Variants in QTRT2 observed in about 807,000 individuals in gnomAD.
QTRT2 encodes the protein queuine tRNA-ribosyltransferase accessory subunit 2, also known as queuine tRNA-ribosyltransferase domain containing 1.
Under a neutral mutation model 44.8 loss-of-function variants are expected in QTRT2, and 32 were observed. The ratio of observed to expected loss-of-function variants is 0.71; its 90% confidence interval spans 0.54 to 0.96. The LOEUF (loss-of-function observed/expected upper bound fraction) is 0.96. Ranked by LOEUF, QTRT2 falls within the 40% of genes least tolerant of loss-of-function variation. QTRT2 has a pLI of 0.00. For missense variants in QTRT2, 461 were observed against 503.1 expected (o/e 0.92, Z 0.80); for synonymous variants, 182 against 187.4 (o/e 0.97, Z 0.24).
In QTRT2 at chr3:114,085,694, G is replaced by A. The variant is rs751443636; in HGVS notation, c.1038G>A (p.Pro346=). The part of the protein sequence containing the change: ...KEKKYQEDFN[P]LVRGCSCYCC... ...TTAGGTACCAGGAGGACTTTAACCC[G>A]CTGGTGAGAGGATGTTCCTGTTACT... Residue 346 remains proline (P), a synonymous_variant, in exon 10 of 10, where the codon CCG becomes CCA. Transcript: ENST00000281273. 31 of 1,613,946 alleles carry A rather than the reference G, an allele frequency of 1.9e-5. No homozygotes were observed. The highest frequency in any genetic ancestry group is 3.3e-5 in the Admixed American group (2 of 59,990).
chr3:114,083,614 GTTTT>G (rs2077196770), intron 9 of QTRT2, among the ~76,000 whole-genome samples: 1 of 152,080 alleles, frequency 6.6e-6, no homozygotes, highest in South Asian at 2.1e-4. Context: ...GCTGGGGTGG[GTTTT>G]TTGTCTTACG....
At chr3:114,077,609 T>G (rs750735469) in intron 7 of QTRT2, 3 of 152,448 alleles carry the variant, frequency 2.0e-5, no homozygotes, top group Admixed American at 2.0e-4. Flanking sequence ...ATGTGAATAT[T>G]CATGCTTTTT....
At chr3:114,062,509 A>G (rs1234784221) in intron 2 of QTRT2, among the ~76,000 whole-genome samples, 1 of 152,086 alleles carries the variant, frequency 6.6e-6, no homozygotes, top group Non-Finnish European at 1.5e-5. Flanking sequence ...TGTGGTGATG[A>G]GGAATTCCCA....
intron 8 of QTRT2, among the ~76,000 whole-genome samples, chr3:114,080,825 T>C (rs2077157450): frequency 6.6e-6 from 1 of 152,232 alleles, no homozygotes; most frequent in Non-Finnish European, 1.5e-5. Flanking sequence ...AGGTTCATTT[T>C]ATTCCTCACA....
intron 9 of QTRT2, among the ~76,000 whole-genome samples, chr3:114,084,616 T>C (rs1451998738): frequency 6.6e-6 from 1 of 152,188 alleles, no homozygotes; most frequent in Non-Finnish European, 1.5e-5. Flanking sequence ...ACCTATGCAG[T>C]GCTTAGGCCT....
rs550742276 is a variant in QTRT2, at chr3:114,067,968, C to A, written c.257-19C>A. The A allele has an allele frequency of 6.2e-6, 10 of 1,612,268 alleles. No individual in the cohort carries two copies. Among genetic ancestry groups the A allele is most frequent in the Non-Finnish European group, 6.8e-6 (8 of 1,178,700 alleles). ...GTTGATGTAAGCACTTTCAAGGGTTCTTTTTTGTGTTTATACAGGCATGCC... is the reference window on the plus strand; with the variant it reads ...GTTGATGTAAGCACTTTCAAGGGTTATTTTTTGTGTTTATACAGGCATGCC... On this transcript the variant is annotated intron_variant, in intron 4 of 9. Transcript: ENST00000281273.
At chr3:114,066,455 T>C in intron 4 of QTRT2, 172 bp downstream of exon 4, 5 of 564,768 alleles carry the variant, frequency 8.9e-6, no homozygotes, top group South Asian at 8.7e-5. Flanking sequence ...AGGAAACAGT[T>C]GCTGCTCTCA....
Position 114,082,787 on chromosome 3 carries a change from G to A in QTRT2, c.1009G>A (p.Glu337Lys). Residue 337 changes from glutamate to lysine, a missense_variant, in exon 9 of 10, where the codon GAA (glutamate) becomes AAA (lysine). Glu to Lys is a moderately conservative substitution (Grantham distance 56, BLOSUM62 1). Transcript: ENST00000281273. ...EITSFEINLK[E>K]KKYQEDFNPL... ...AACATCATTTGAAATTAATCTGAAG[G>A]AAAAAAAGTAAGAAATTTTTAAAAG... 7.2e-7 allele frequency: 1 copy of A among 1,393,232 alleles called. No homozygotes were observed. The highest frequency in any genetic ancestry group is 9.9e-7 in the Non-Finnish European group (1 of 1,008,732). The allele number at this position is 1,393,232 out of a possible 1,614,324, so 86.3% of individuals were successfully genotyped here.
chr3:114,060,104 G>A (rs540759617), intron 2 of QTRT2, among the ~76,000 whole-genome samples: 16 of 152,266 alleles, frequency 1.1e-4, no homozygotes, highest in African/African-American at 3.8e-4. Context: ...CTTCAGTTGA[G>A]GAAAGAGTGG....
intron 8 of QTRT2, among the ~76,000 whole-genome samples, chr3:114,080,612 A>G (rs938491857): frequency 6.6e-6 from 1 of 152,190 alleles, no homozygotes; most frequent in Non-Finnish European, 1.5e-5. Flanking sequence ...TTCGGATTCT[A>G]ACACTTACCT....
At chr3:114,082,204 CCACACACACACACACACACACA>C (rs71146306) in intron 8 of QTRT2, among the ~76,000 whole-genome samples, 5,937 of 138,862 alleles carry the variant, frequency 0.043, 159 homozygotes, top group Middle Eastern at 0.1. Context: ...GATAACCCCA[CCACACACACACACACACACACA>C]CACACACACA....
At position 114,088,322 on chromosome 3, in the gene QTRT2, G is replaced by A. The variant is rs1211185410; in HGVS notation, c.*2418G>A. On this transcript the variant is annotated 3_prime_UTR_variant, in exon 10 of 10. Coordinates refer to ENST00000281273, the MANE Select transcript of QTRT2 (RefSeq NM_024638.4). Reference sequence around the variant, plus strand: ...TGTAGTAAATCTATTAAAGGCAATAGCCAATAAAACATTTTTAATTTTAAA... The same window carrying A: ...TGTAGTAAATCTATTAAAGGCAATAACCAATAAAACATTTTTAATTTTAAA... 3 of 152,054 alleles carry A rather than the reference G, an allele frequency of 2.0e-5. No homozygotes were observed. Among genetic ancestry groups the A allele is most frequent in the Admixed American group, 6.6e-5 (1 of 15,252 alleles). The allele number at this position is 152,054 out of a possible 1,614,324, so 9.4% of individuals were successfully genotyped here.
At chr3:114,068,089 G>A (rs765545825) in intron 5 of QTRT2, 26 bp downstream of exon 5, 1 of 1,601,318 alleles carries the variant, frequency 6.2e-7, no homozygotes, top group Non-Finnish European at 8.6e-7. Context: ...GGTCTCCAAG[G>A]CTGCAGCTTT....
At chr3:114,081,419 G>A (rs1173165674) in intron 8 of QTRT2, among the ~76,000 whole-genome samples, 1 of 152,080 alleles carries the variant, frequency 6.6e-6, no homozygotes, top group Non-Finnish European at 1.5e-5. Context: ...GTGTGATTAT[G>A]GCTCACTGCA....
intron 2 of QTRT2, among the ~76,000 whole-genome samples, chr3:114,060,513 T>G (rs1235294288): frequency 1.1e-5 from 1 of 87,944 alleles, no homozygotes; most frequent in Non-Finnish European, 2.8e-5. Context: ...GATAGATAGA[T>G]AGATAGATAG....
At chr3:114,068,138 T>C (rs2076978792) in intron 5 of QTRT2, 75 bp downstream of exon 5, 2 of 1,148,128 alleles carry the variant, frequency 1.7e-6, no homozygotes, top group Non-Finnish European at 2.6e-6. Flanking sequence ...CCTCAGATGC[T>C]CAGATCCCAC....
chr3:114,057,199 C>A, intron 2 of QTRT2, 93 bp downstream of exon 2: 1 of 470,882 alleles, frequency 2.1e-6, no homozygotes, highest in Non-Finnish European at 3.1e-6. Context: ...AGGTCTGGGG[C>A]CATGGAGATG....
At chr3:114,085,116 C>T (rs914928906) in intron 9 of QTRT2, among the ~76,000 whole-genome samples, 1 of 152,202 alleles carries the variant, frequency 6.6e-6, no homozygotes, top group African/African-American at 2.4e-5. Flanking sequence ...ACATGAATTT[C>T]TTCTGATGCT....
chr3:114,070,929 G>A (rs983605372), intron 6 of QTRT2, 91 bp downstream of exon 6: 13 of 932,712 alleles, frequency 1.4e-5, no homozygotes, highest in Non-Finnish European at 3.3e-6. Context: ...TCCTCCTACT[G>A]CTGTGCTCCT....
Sources: allele counts gnomAD v4.1 joint callset (sites outside exome capture counted in the v4.1 genomes callset), GRCh38; gene constraint gnomAD v4.1.1; transcripts MANE v1.5; gene names NCBI Gene and HGNC (gene_info 2026-07-23, HGNC 2026-07-21).